The following PTBP2 variants were observed in gnomAD, a reference collection of about 807,000 sequenced individuals.
The protein encoded by PTBP2 is polypyrimidine tract-binding protein 2.
Under a neutral mutation model 61.4 loss-of-function variants are expected in PTBP2, and 13 were observed. That is an observed-to-expected ratio of 0.21 (90% CI 0.14 to 0.34). The LOEUF (loss-of-function observed/expected upper bound fraction) is 0.34. Among genes scored for constraint, PTBP2 ranks in the 10% least tolerant of loss-of-function variants. The probability of loss-of-function intolerance (pLI) is 1.00; values close to 1 mark genes in which losing one functional copy is unlikely to be tolerated. For synonymous variants in PTBP2, 215 were observed against 218.5 expected (o/e 0.98, Z 0.14); for missense variants, 405 against 642.6 (o/e 0.63, Z 4.00).
intron 8 of PTBP2, among the ~76,000 whole-genome samples, chr1:96,792,762 T>C (rs2101111416): frequency 6.6e-6 from 1 of 152,292 alleles, no homozygotes; most frequent in African/African-American, 2.4e-5. Context: ...GAACTTATAT[T>C]TTTATCTTTT....
At chr1:96,736,509 A>T (rs1652204270) in intron 2 of PTBP2, among the ~76,000 whole-genome samples, 1 of 152,194 alleles carries the variant, frequency 6.6e-6, no homozygotes, top group South Asian at 2.1e-4. Flanking sequence ...AGCACTTGAC[A>T]TGTATGTAGT....
intron 2 of PTBP2, chr1:96,749,814 T>C: frequency 3.0e-6 from 1 of 338,090 alleles, no homozygotes; most frequent in Non-Finnish European, 6.2e-6. Context: ...GTGTATAATT[T>C]AATCCTAAGG....
rs184488576 is a variant in PTBP2 at position 96,743,130 on chromosome 1, C to T, written c.40-8295C>T. Among the ~76,000 whole-genome samples, 343 of 151,802 alleles carry T rather than the reference C, an allele frequency of 2.3e-3. 1 individual carries two copies. Among genetic ancestry groups the T allele is most frequent in the Middle Eastern group, 0.014 (4 of 292 alleles). On this transcript the variant is annotated intron_variant, in intron 2 of 13. Coordinates refer to ENST00000674951, the MANE Select transcript of PTBP2 (RefSeq NM_021190.4). Reference sequence around the variant, plus strand: ...TGAAAACCTGTCTCTACTAAAAATACGAAAAAATTAGCCAGGCGTGGTGGG... The same window carrying T: ...TGAAAACCTGTCTCTACTAAAAATATGAAAAAATTAGCCAGGCGTGGTGGG...
intron 2 of PTBP2, among the ~76,000 whole-genome samples, chr1:96,739,728 G>C (rs888137835): frequency 7.0e-6 from 1 of 143,648 alleles, no homozygotes; most frequent in Non-Finnish European, 1.5e-5. Flanking sequence ...CCGGGTTCAC[G>C]CCATCTTCCT....
At position 96,738,001 on chromosome 1, in the gene PTBP2, AG is replaced by A. The variant is rs570696480; in HGVS notation, c.40-13423del. Among the ~76,000 whole-genome samples the A allele has an allele frequency of 7.6e-3, 1,164 of 152,204 alleles. 22 individuals carry two copies. Among genetic ancestry groups the A allele is most frequent in the African/African-American group, 0.027 (1,111 of 41,516 alleles). On this transcript the variant is annotated intron_variant, in intron 2 of 13. Transcript: ENST00000674951. ...TTTTGAGGAAGAGTTAGGTTTTGTA[AG>A]TGTTGAACTCCAATAAACACAGTTC...
chr1:96,759,008 A>T lies in PTBP2; in HGVS notation c.115+7508A>T, dbSNP rs541098102. On this transcript the variant is annotated intron_variant, in intron 3 of 13. Coordinates refer to ENST00000674951, the MANE Select transcript of PTBP2 (RefSeq NM_021190.4). The stretch of plus-strand genomic sequence containing the variant: ...ATAGTCTCCTTATACTTGGCAGCAA[A>T]TTCTTAGAAAATGAAATTTTAAAAA... Among the ~76,000 whole-genome samples, 19 of 152,276 alleles carry T rather than the reference A, an allele frequency of 1.2e-4. No individual in the cohort carries two copies. The South Asian group carries it at 3.9e-3, about 32-fold the overall frequency.
At chr1:96,779,188 T>C (rs1658376074) in intron 7 of PTBP2, among the ~76,000 whole-genome samples, 1 of 152,120 alleles carries the variant, frequency 6.6e-6, no homozygotes, top group Non-Finnish European at 1.5e-5. Flanking sequence ...TTCTTTTTTT[T>C]TGTCCAAAAA....
intron 8 of PTBP2, among the ~76,000 whole-genome samples, chr1:96,787,852 C>T (rs1309973592): frequency 6.6e-6 from 1 of 152,108 alleles, no homozygotes; most frequent in African/African-American, 2.4e-5. Flanking sequence ...TAGGCTATTC[C>T]ATACTTTTTA....
chr1:96,791,829 T>TTTTTTGTA (rs1227829597), intron 8 of PTBP2, among the ~76,000 whole-genome samples: 14 of 125,772 alleles, frequency 1.1e-4, no homozygotes, highest in African/African-American at 4.5e-4. Context: ...AGTTGTGCTT[T>TTTTTTGTA]TTTTTTTTTT....
chr1:96,751,228 A>G (rs1457376883), intron 2 of PTBP2, 197 bp from the exon 3 acceptor site: 1 of 660,200 alleles, frequency 1.5e-6, no homozygotes, highest in African/African-American at 1.8e-5. Flanking sequence ...AAAGAAGGGA[A>G]GGGAACACTG....
rs1659865510 is a variant in PTBP2, at chr1:96,791,840, T to TTTTTTTG, written c.904+6592_904+6593insGTTTTTT. ...TTGGAGTTGTGCTTTTTTTTTTTTT[T>TTTTTTTG]TTTTTTTTTGAGATAGAGTCTGGCT... On this transcript the variant is annotated intron_variant, in intron 8 of 13. Transcript: ENST00000674951. Among the ~76,000 whole-genome samples the TTTTTTTG allele has an allele frequency of 3.6e-5, 5 of 139,670 alleles. 1 individual carries two copies. The highest frequency in any genetic ancestry group is 6.2e-5 in the Non-Finnish European group (4 of 64,862). The allele number at this position is 139,670 out of a possible 152,430, so 91.6% of individuals were successfully genotyped here. A position where few individuals can be genotyped will look rare whatever the true frequency, so the allele number is the denominator to read the frequency against.
intron 8 of PTBP2, among the ~76,000 whole-genome samples, chr1:96,786,880 T>G (rs1256991159): frequency 6.6e-6 from 1 of 152,186 alleles, no homozygotes; most frequent in Non-Finnish European, 1.5e-5. Flanking sequence ...GTGTGTGTAT[T>G]TGCCCATCTG....
At chr1:96,735,313 A>G (rs371952829) in intron 2 of PTBP2, among the ~76,000 whole-genome samples, 1 of 152,224 alleles carries the variant, frequency 6.6e-6, no homozygotes, top group African/African-American at 2.4e-5. Context: ...ATTAACATTT[A>G]ATGTAAGTTG....
At chr1:96,809,813 G>C (rs2101238483) in intron 11 of PTBP2, among the ~76,000 whole-genome samples, 1 of 152,258 alleles carries the variant, frequency 6.6e-6, no homozygotes, top group East Asian at 1.9e-4. Flanking sequence ...ATGTGGTACA[G>C]TGAAAGAGAA....
chr1:96,765,910 T>G (rs1242794370), intron 3 of PTBP2, among the ~76,000 whole-genome samples: 2 of 152,034 alleles, frequency 1.3e-5, no homozygotes, highest in African/African-American at 4.8e-5. Flanking sequence ...AAGTAGAAAT[T>G]GAAGTTTTTA....
In PTBP2 at chr1:96,736,251, C is replaced by A. The variant is rs540726465; in HGVS notation, c.39+12657C>A. 3.3e-5 allele frequency among the ~76,000 whole-genome samples: 5 copies of A among 152,210 alleles called. No homozygotes were observed. In the East Asian group the frequency reaches 9.6e-4, roughly 29 times the overall value. ...TACTTCAGGAAGAAAGCCAATGACA[C>A]CAGAAAGGAAGTCTGATATAGAAGT... On this transcript the variant is annotated intron_variant, in intron 2 of 13. Transcript: ENST00000674951.
chr1:96,751,999 G>T (rs1406094061), intron 3 of PTBP2, among the ~76,000 whole-genome samples: 1 of 151,728 alleles, frequency 6.6e-6, no homozygotes, highest in East Asian at 1.9e-4. Flanking sequence ...CTTTTATGTT[G>T]TCTACCTGCA....
chr1:96,764,929 A>C (rs1425347429), intron 3 of PTBP2, among the ~76,000 whole-genome samples: 1 of 152,208 alleles, frequency 6.6e-6, no homozygotes, highest in Non-Finnish European at 1.5e-5. Flanking sequence ...TGGAAATACA[A>C]GAGTTAATAG....
chr1:96,770,945 T>C, intron 5 of PTBP2, 94 bp downstream of exon 5: 1 of 1,062,878 alleles, frequency 9.4e-7, no homozygotes, highest in Middle Eastern at 3.1e-4. Context: ...TGTTCAGATG[T>C]TCCTTATAGG....
Sources: allele counts gnomAD v4.1 joint callset (sites outside exome capture counted in the v4.1 genomes callset), GRCh38; gene constraint gnomAD v4.1.1; transcripts MANE v1.5; gene names NCBI Gene and HGNC (gene_info 2026-07-23, HGNC 2026-07-21).